Variants in FCHO1 observed in about 807,000 individuals in gnomAD.
The protein encoded by FCHO1 is F-BAR domain only protein 1.
FCHO1 carries 45 observed loss-of-function variants against 114.4 expected under a neutral mutation model. The ratio of observed to expected loss-of-function variants is 0.39; its 90% CI spans 0.31 to 0.50. FCHO1 has a LOEUF of 0.50. Ranked by LOEUF, FCHO1 falls within the 20% of genes least tolerant of loss-of-function variation. The pLI, the probability that FCHO1 is intolerant of heterozygous loss-of-function variation, is 0.77. For synonymous variants in FCHO1, 480 were observed against 488.9 expected, an observed-to-expected ratio of 0.98 and a Z score of 0.24; for missense variants, 1,042 against 1,209.6, an observed-to-expected ratio of 0.86 and a Z score of 2.06.
At chr19:17,762,186 A>G (rs960291104) in intron 4 of FCHO1, among the ~76,000 whole-genome samples, 4 of 151,934 alleles carry the variant, frequency 2.6e-5, no homozygotes, top group African/African-American at 9.7e-5. Flanking sequence ...GAGTTTTGCC[A>G]TGTTGGCCAG....
chr19:17,781,562 C>T (rs543027311), intron 22 of FCHO1, 23 bp downstream of exon 22: 8 of 1,612,468 alleles, frequency 5.0e-6, no homozygotes, highest in Non-Finnish European at 6.8e-6. Context: ...GGTCCTGGGC[C>T]TGGCTTTGGG....
At chr19:17,779,952 T>G (rs934727138) in intron 20 of FCHO1, among the ~76,000 whole-genome samples, 1 of 150,342 alleles carries the variant, frequency 6.7e-6, no homozygotes, top group Non-Finnish European at 1.5e-5. Context: ...CAGCAGGAGA[T>G]GGGGGGAGAG....
rs761547319 is a variant in FCHO1 at position 17,783,073 on chromosome 19, G to A, written c.1994G>A (p.Arg665His). The change falls in exon 24 of 29, where the codon CGT becomes CAT. Residue 665 changes from arginine to histidine, a missense_variant. Arg to His is a conservative substitution (Grantham distance 29). Coordinates refer to ENST00000596536, the MANE Select transcript of FCHO1 (RefSeq NM_015122.3). ...LTMTFPAGIV[R>H]VFSGTPPPPV... ...ATGACCTTCCCTGCTGGCATCGTGC[G>A]TGTGTTCAGCGGGACCCCACCACCA... The A allele has an allele frequency of 4.9e-5, 79 of 1,613,996 alleles. No individual in the cohort carries two copies. Among genetic ancestry groups the A allele is most frequent in the Middle Eastern group, 1.6e-4 (1 of 6,084 alleles).
At chr19:17,756,125 A>G (rs1014538151) in intron 4 of FCHO1, among the ~76,000 whole-genome samples, 2 of 152,146 alleles carry the variant, frequency 1.3e-5, no homozygotes, top group Non-Finnish European at 2.9e-5. Context: ...GCCCCTGGCA[A>G]CAAGCCCCAC....
intron 6 of FCHO1, 76 bp from the exon 7 acceptor site, chr19:17,766,593 A>G (rs1426919516): frequency 1.9e-6 from 3 of 1,580,092 alleles, no homozygotes; most frequent in South Asian, 1.1e-5. Flanking sequence ...TGCAGCACAT[A>G]CCTGAGCCAG....
At chr19:17,773,852 C>T (rs550784772) in intron 11 of FCHO1, among the ~76,000 whole-genome samples, 2 of 151,604 alleles carry the variant, frequency 1.3e-5, no homozygotes, top group South Asian at 4.2e-4. Context: ...ACTACCCTTT[C>T]CAAGCGCAGT....
chr19:17,781,004 A>C (rs990679429), intron 20 of FCHO1, among the ~76,000 whole-genome samples: 3 of 152,122 alleles, frequency 2.0e-5, no homozygotes, highest in Non-Finnish European at 2.9e-5. Flanking sequence ...AGTGATGGGG[A>C]GCTCACCCCT....
intron 4 of FCHO1, among the ~76,000 whole-genome samples, chr19:17,760,948 C>T (rs1599582833): frequency 1.3e-5 from 2 of 152,082 alleles, no homozygotes; most frequent in Admixed American, 6.6e-5. Context: ...CGCGCCTAAC[C>T]TCCCTGCCCC....
rs745876886 is a variant in FCHO1, at chr19:17,784,898, C to T, written c.2400C>T (p.Asn800=). The part of the protein sequence containing the change: ...ILLPVGEPVT[N]VRLQPAATWN... ...TGCCTGTGGGGGAGCCTGTGACCAA[C>T]GTCCGCTTGCAGCCGGCTGCCACCT... is the stretch of plus-strand genomic sequence containing the variant. The change falls in exon 26 of 29, where the codon AAC becomes AAT. Residue 800 remains asparagine, a synonymous_variant. Transcript: ENST00000596536. This position sits in a 1 kb window ranked among gnomAD's most constrained non-coding sequence, Gnocchi z 5.3. 11 of 1,612,542 alleles carry T rather than the reference C, an allele frequency of 6.8e-6. No individual in the cohort carries two copies. Among genetic ancestry groups the T allele is most frequent in the Non-Finnish European group, 9.3e-6 (11 of 1,180,032 alleles).
At chr19:17,766,149 C>G (rs2089036687) in intron 6 of FCHO1, among the ~76,000 whole-genome samples, 1 of 150,444 alleles carries the variant, frequency 6.6e-6, no homozygotes, top group Non-Finnish European at 1.5e-5. Context: ...CTCAGCCTCC[C>G]AAAGTGCTGG....
chr19:17,774,654 T>C, intron 13 of FCHO1, 176 bp downstream of exon 13: 1 of 607,730 alleles, frequency 1.6e-6, no homozygotes, highest in East Asian at 2.8e-5. Flanking sequence ...GCTAGCTCAA[T>C]ATTACCGCTG....
chr19:17,771,201 A>G (rs2146966470), intron 9 of FCHO1, among the ~76,000 whole-genome samples: 1 of 151,518 alleles, frequency 6.6e-6, no homozygotes. Flanking sequence ...GCAGTGAGCC[A>G]AGATCGAGCC....
chr19:17,772,802 C>A, intron 11 of FCHO1, 61 bp downstream of exon 11: 1 of 1,159,488 alleles, frequency 8.6e-7, no homozygotes, highest in Non-Finnish European at 1.3e-6. Flanking sequence ...CAGGCATGTG[C>A]CACCATGCCC....
chr19:17,785,204 GTTTA>G (rs772728791), intron 26 of FCHO1, among the ~76,000 whole-genome samples: 9 of 151,968 alleles, frequency 5.9e-5, no homozygotes, highest in East Asian at 1.9e-4. Flanking sequence ...AAAATATTTT[GTTTA>G]TTTATTTATT....
Position 17,772,680 on chromosome 19 carries a change from C to T in FCHO1, c.729C>T (p.Val243=). Residue 243 remains valine, a synonymous_variant, in exon 11 of 29, where the codon GTC becomes GTT. Coordinates refer to ENST00000596536, the MANE Select transcript of FCHO1 (RefSeq NM_015122.3). The part of the protein sequence containing the change: ...HEEFKQNIEN[V]SVEMLLRKFA... ...AATTTAAGCAGAACATCGAGAACGT[C>T]AGCGTGGAGATGCTACTCAGGAAGT... is the stretch of plus-strand genomic sequence containing the variant. 1 of 1,614,160 alleles carries T rather than the reference C, an allele frequency of 6.2e-7. No homozygotes were observed. The highest frequency in any genetic ancestry group is 8.5e-7 in the Non-Finnish European group (1 of 1,180,030).
chr19:17,761,968 A>ATTTC (rs1225606941), intron 4 of FCHO1, among the ~76,000 whole-genome samples: 1 of 86,682 alleles, frequency 1.2e-5, no homozygotes, highest in Non-Finnish European at 2.3e-5. Flanking sequence ...TTTTATTTTT[A>ATTTC]TTTCATTCAT....
intron 20 of FCHO1, among the ~76,000 whole-genome samples, chr19:17,779,527 G>A (rs1599745520): frequency 6.6e-6 from 1 of 150,830 alleles, no homozygotes; most frequent in Non-Finnish European, 1.5e-5. Flanking sequence ...GAGTTCGGAG[G>A]AGTAAGGATG....
intron 23 of FCHO1, among the ~76,000 whole-genome samples, chr19:17,782,497 C>A (rs910705919): frequency 2.0e-5 from 3 of 152,156 alleles, no homozygotes; most frequent in Non-Finnish European, 2.9e-5. Flanking sequence ...AGCCACTGTG[C>A]CCAGCCATAG....
chr19:17,784,404 G>A lies in FCHO1; in HGVS notation c.2226+169G>A, dbSNP rs999929826. Among the ~76,000 whole-genome samples the A allele has an allele frequency of 3.9e-5, 6 of 152,120 alleles. No individual in the cohort carries two copies. Among genetic ancestry groups the A allele is most frequent in the Non-Finnish European group, 5.9e-5 (4 of 68,028 alleles). On this transcript the variant is annotated intron_variant, in intron 25 of 28. Coordinates refer to ENST00000596536, the MANE Select transcript of FCHO1 (RefSeq NM_015122.3). This position sits in a 1 kb window ranked among gnomAD's most constrained non-coding sequence, Gnocchi z 5.3. ...CTGGAGGGAGTAGGCAGTGTGGGTCGGGAATGAACGGTGGAGGAGTAGGCA... is the reference window on the plus strand; with the variant it reads ...CTGGAGGGAGTAGGCAGTGTGGGTCAGGAATGAACGGTGGAGGAGTAGGCA...
Sources: allele counts gnomAD v4.1 joint callset (sites outside exome capture counted in the v4.1 genomes callset), GRCh38; gene constraint gnomAD v4.1.1; non-coding constraint Gnocchi (gnomAD v3.1); transcripts MANE v1.5; gene names NCBI Gene and HGNC (gene_info 2026-07-23, HGNC 2026-07-21).